WDR90: variants seen among roughly 807,000 people sequenced by gnomAD.
WDR90 encodes the protein WD repeat-containing protein 90.
A neutral mutation model predicts 195.2 loss-of-function variants in WDR90; 238 were observed. The observed-to-expected ratio is 1.22, with a 90% confidence interval of 1.10 to 1.36. The LOEUF (loss-of-function observed/expected upper bound fraction) is 1.36. Ranked by LOEUF, WDR90 falls within the 40% of genes most tolerant of loss-of-function variation. The probability of loss-of-function intolerance (pLI) is 0.00; values close to 1 mark genes in which losing one functional copy is unlikely to be tolerated. For missense variants in WDR90, 2,734 were observed against 2,439.5 expected (o/e 1.12, Z -2.54); for synonymous variants, 1,265 against 1,052.4 (o/e 1.20, Z -3.91).
chr16:659,530 C>T (rs1359759322), intron 26 of WDR90, among the ~76,000 whole-genome samples, 154 bp downstream of exon 26: 8 of 152,212 alleles, frequency 5.3e-5, no homozygotes, highest in Non-Finnish European at 1.0e-4. Context: ...GTGGGGGCAG[C>T]TTTTCCTCTC....
At chr16:660,501 T>C in intron 27 of WDR90, 111 bp from the exon 28 acceptor site, 2 of 1,105,176 alleles carry the variant, frequency 1.8e-6, no homozygotes, top group East Asian at 5.2e-5. Context: ...TGCCCCTGGG[T>C]GTCCTCTGCA....
intron 17 of WDR90, 23 bp downstream of exon 17, chr16:655,912 C>T (rs754736543): frequency 3.7e-5 from 59 of 1,575,552 alleles, no homozygotes; most frequent in Non-Finnish European, 5.0e-5. Flanking sequence ...GCACGCTCTC[C>T]CAACTCCGGG....
chr16:661,051 G>T lies in WDR90; in HGVS notation c.3392G>T (p.Gly1131Val). 1.6e-6 allele frequency: 2 copies of T among 1,288,866 alleles called. No individual in the cohort carries two copies. The highest frequency in any genetic ancestry group is 2.0e-6 in the Non-Finnish European group (2 of 1,024,930). The allele number at this position is 1,288,866 out of a possible 1,614,324, so 79.8% of individuals were successfully genotyped here. The change falls in exon 29 of 41, where the codon GGC becomes GTC. Residue 1131 changes from glycine to valine, a missense_variant and splice_region_variant. By Grantham distance (109) the Gly-to-Val change is moderately radical. Transcript: ENST00000293879. ...RANMVWRPDT[G>V]FFAYTCGRLV... The stretch of plus-strand genomic sequence containing the variant: ...CAGGCCCCGCCCTCTCTGCGCACAG[G>T]CTTCTTTGCCTACACGTGCGGCCGC...
chr16:666,353 A>G lies in WDR90; in HGVS notation c.4740+3A>G. On this transcript the variant is annotated splice_donor_region_variant and intron_variant, in intron 37 of 40. Transcript: ENST00000293879. ...CCATCTGTGTCACGTGCAAAGAGGT[A>G]AAGCAGCCCCAAGAGCTGGGGAGAG... 2 of 1,612,622 alleles carry G rather than the reference A, an allele frequency of 1.2e-6. No homozygotes were observed. The highest frequency in any genetic ancestry group is 8.5e-7 in the Non-Finnish European group (1 of 1,179,956).
rs1053154640 is a variant in WDR90, at chr16:656,013, G to A, written c.1966+124G>A. 30 of 1,153,104 alleles carry A rather than the reference G, an allele frequency of 2.6e-5. No homozygotes were observed. In the East Asian group the frequency reaches 3.1e-4, roughly 12 times the overall value. 71.4% of individuals were successfully genotyped at this position (1,153,104 alleles called of 1,614,324 possible). A position where few individuals can be genotyped will look rare whatever the true frequency, so the allele number is the denominator to read the frequency against. On this transcript the variant is annotated intron_variant, in intron 17 of 40. Transcript: ENST00000293879. ...GGCTCCTGGCTGCACAGGGTGCCAC[G>A]GGGCCAAGTGGCATATCCAGAGCCC... is the stretch of plus-strand genomic sequence containing the variant.
chr16:655,190 C>T (rs2037724366), intron 14 of WDR90, 43 bp downstream of exon 14: 2 of 1,612,096 alleles, frequency 1.2e-6, no homozygotes, highest in Non-Finnish European at 1.7e-6. Flanking sequence ...AGGGTCTGGG[C>T]CCGGAGTGGG....
At position 655,103 on chromosome 16, in the gene WDR90, C is replaced by T; in HGVS notation, c.1512C>T (p.Asp504=). The change falls in exon 14 of 41, where the codon GAC becomes GAT. Residue 504 remains aspartate (D), a synonymous_variant. Transcript: ENST00000293879. ...EVVVLAKAHT[D]FDVQAFRVTF... is the part of the protein sequence containing the mutation. ...TCGTTCTGGCAAAGGCGCACACTGA[C>T]TTTGACGTCCAGGCCTTCCGGGTCA... 7 of 1,612,848 alleles carry T rather than the reference C, an allele frequency of 4.3e-6. No homozygotes were observed. The highest frequency in any genetic ancestry group is 5.9e-6 in the Non-Finnish European group (7 of 1,179,866).
In WDR90 at chr16:650,985, C is replaced by T. The variant is rs373780809; in HGVS notation, c.560-10C>T. ...CCTCCCTTGACCTGGAACAACCCTG[C>T]TCCTTGTAGCCATCTCTGGGGCCCA... is the stretch of plus-strand genomic sequence containing the variant. On this transcript the variant is annotated splice_polypyrimidine_tract_variant and intron_variant, in intron 5 of 40. Transcript: ENST00000293879. The T allele has an allele frequency of 3.7e-6, 6 of 1,612,782 alleles. No individual in the cohort carries two copies. The highest frequency in any genetic ancestry group is 5.1e-6 in the Non-Finnish European group (6 of 1,179,788).
In WDR90 at chr16:665,655, C is replaced by T. The variant is rs373469085; in HGVS notation, c.4312-24C>T. On this transcript the variant is annotated intron_variant, in intron 34 of 40. Transcript: ENST00000293879. ...TACCCTGCCCAGGGGCCAACACCCC[C>T]AGCCTAGCTACGGCTTCCCCCAGGT... 643 of 1,612,460 alleles carry T rather than the reference C, an allele frequency of 4.0e-4. 4 individuals are homozygous for T. The East Asian group carries it at 0.012, about 30-fold the overall frequency.
rs760094388 is a variant in WDR90, at chr16:667,498, C to T, written c.5156C>T (p.Ala1719Val). ...TAQDFAGHDN[A>V]VHLCRFTPSA... ...CAAGACTTTGCCGGCCACGACAACG[C>T]AGTGCACCTGTGCAGGTTTACACCG... The change falls in exon 41 of 41, where the codon GCA becomes GTA. Residue 1719 changes from alanine to valine, a missense_variant. Ala to Val is a moderately conservative substitution (Grantham distance 64, BLOSUM62 0). Transcript: ENST00000293879. 3.7e-6 allele frequency: 6 copies of T among 1,612,182 alleles called. No homozygotes were observed. The highest frequency in any genetic ancestry group is 2.2e-5 in the East Asian group (1 of 44,874).
At chr16:660,470 T>TCCCACA (rs2151298191) in intron 27 of WDR90, 142 bp from the exon 28 acceptor site, 1 of 847,234 alleles carries the variant, frequency 1.2e-6, no homozygotes, top group South Asian at 1.6e-5. Context: ...CTCCCACACC[T>TCCCACA]CCTACCCCAG....
At chr16:655,977 T>C (rs764941135) in intron 17 of WDR90, 88 bp downstream of exon 17, 1 of 1,423,854 alleles carries the variant, frequency 7.0e-7, no homozygotes, top group South Asian at 1.2e-5. Context: ...GGCTCTGCTG[T>C]CAGCCGCCCT....
chr16:656,622 A>G (rs1344212351), intron 18 of WDR90, 85 bp downstream of exon 18: 15 of 1,574,374 alleles, frequency 9.5e-6, no homozygotes, highest in Non-Finnish European at 1.3e-5. Context: ...AGGGGCCTAT[A>G]GGGACCTGGA....
Position 653,648 on chromosome 16 carries a change from A to T in WDR90, c.1357A>T (p.Met453Leu), listed in dbSNP as rs143047488. The change falls in exon 12 of 41, where the codon ATG becomes TTG. Residue 453 changes from methionine to leucine, a missense_variant. Met to Leu is a conservative substitution (Grantham distance 15, BLOSUM62 2). Coordinates refer to ENST00000293879, the MANE Select transcript of WDR90 (RefSeq NM_145294.5). ...GRCLCLFRSP[M>L]HVVCSLSFSD... ...GTGCTTGTGCCTGTTCCGGAGCCCA[A>T]TGCACGTTGTCTGCTCTCTCAGGTG... 1 of 1,613,420 alleles carries T rather than the reference A, an allele frequency of 6.2e-7. No individual in the cohort carries two copies. The highest frequency in any genetic ancestry group is 1.3e-5 in the African/African-American group (1 of 74,946).
intron 2 of WDR90, 31 bp from the exon 3 acceptor site, chr16:649,960 C>A (rs368219151): frequency 8.1e-6 from 13 of 1,610,060 alleles, no homozygotes; most frequent in Non-Finnish European, 2.5e-6. Context: ...CTTCTGGGTG[C>A]TGTCGGTGAT....
rs758338198 is a variant in WDR90, at chr16:665,713, A to G, written c.4346A>G (p.His1449Arg). ...GTGGTCTTCAGCCCCGGGGAGTCCC[A>G]CTGCGCCACATGCAGTGAGGATGGG... ...NEVVFSPGES[H>R]CATCSEDGSV... The change falls in exon 35 of 41, where the codon CAC becomes CGC. Residue 1449 changes from histidine (H) to arginine (R), a missense_variant. Transcript: ENST00000293879. The G allele has an allele frequency of 3.1e-6, 5 of 1,612,498 alleles. No individual in the cohort carries two copies. The East Asian group carries it at 8.9e-5, about 29-fold the overall frequency.
At position 650,312 on chromosome 16, in the gene WDR90, C is replaced by T; in HGVS notation, c.338C>T (p.Ala113Val). Residue 113 changes from alanine (A) to valine (V), a missense_variant, in exon 4 of 41, where the codon GCC becomes GTC. By Grantham distance (64) the Ala-to-Val change is moderately conservative. Transcript: ENST00000293879. ...CTCTTCAAGGAGTTTAAGTCTACGGCCACGTGGCTCCAGTTTCCCTTGGTC... is the reference window on the plus strand; with the variant it reads ...CTCTTCAAGGAGTTTAAGTCTACGGTCACGTGGCTCCAGTTTCCCTTGGTC... ...SNLFKEFKST[A>V]TWLQFPLVLE... 6.2e-7 allele frequency: 1 copy of T among 1,612,990 alleles called. No homozygotes were observed. Among genetic ancestry groups the T allele is most frequent in the Non-Finnish European group, 8.5e-7 (1 of 1,179,986 alleles).
chr16:666,163 C>T (rs2038027345), intron 36 of WDR90, 39 bp downstream of exon 36: 1 of 1,606,490 alleles, frequency 6.2e-7, no homozygotes, highest in East Asian at 2.2e-5. Flanking sequence ...GCCGTCCTGA[C>T]CTGGCCCAGG....
chr16:655,675 C>T lies in WDR90; in HGVS notation c.1821C>T (p.Pro607=), dbSNP rs1484887789. 3 of 1,600,354 alleles carry T rather than the reference C, an allele frequency of 1.9e-6. No homozygotes were observed. The African/African-American group carries it at 4.0e-5, about 21-fold the overall frequency. Residue 607 remains proline, a synonymous_variant, in exon 16 of 41, where the codon CCC becomes CCT. Transcript: ENST00000293879. ...RLLPTRTPGG[P]HPQKQTFSSG... is the part of the protein sequence containing the mutation. ...TCCCCACACGGACTCCAGGCGGTCCCCACCCACAGAAGCAGACCTTCAGCT... is the reference window on the plus strand; with the variant it reads ...TCCCCACACGGACTCCAGGCGGTCCTCACCCACAGAAGCAGACCTTCAGCT...
Sources: gnomAD v4.1 joint callset for allele counts (sites outside exome capture counted in the v4.1 genomes callset) on GRCh38, gnomAD v4.1.1 for gene constraint, MANE v1.5 for transcripts, NCBI Gene and HGNC (gene_info 2026-07-23, HGNC 2026-07-21) for gene names.